CACNA2D3: variants seen among roughly 807,000 people sequenced by gnomAD.
CACNA2D3 encodes voltage-dependent calcium channel subunit alpha-2/delta-3.
A neutral mutation model predicts 160.6 loss-of-function variants in CACNA2D3; 60 were observed. The ratio of observed to expected loss-of-function variants is 0.37; its 90% CI spans 0.30 to 0.46. The LOEUF (loss-of-function observed/expected upper bound fraction) is 0.46. CACNA2D3 is among the 20% of genes least tolerant of loss of function. CACNA2D3 has a pLI of 1.00. For synonymous variants in CACNA2D3, 558 were observed against 492.9 expected (o/e 1.13, Z -1.75); for missense variants, 1,205 against 1,365.0 (o/e 0.88, Z 1.85).
At chr3:54,968,799 T>G (rs1169217288) in intron 28 of CACNA2D3, among the ~76,000 whole-genome samples, 1 of 152,238 alleles carries the variant, frequency 6.6e-6, no homozygotes, top group African/African-American at 2.4e-5. Context: ...GGGCCTTTTG[T>G]GAGATTTTCA....
intron 2 of CACNA2D3, among the ~76,000 whole-genome samples, chr3:54,148,702 T>C (rs1700084576): frequency 6.6e-6 from 1 of 151,992 alleles, no homozygotes; most frequent in Non-Finnish European, 1.5e-5. Context: ...TCGGGCCGGG[T>C]GCGGTGGCTC....
chr3:54,982,388 C>A (rs1430650520), intron 29 of CACNA2D3, among the ~76,000 whole-genome samples: 2 of 152,056 alleles, frequency 1.3e-5, no homozygotes, highest in Non-Finnish European at 2.9e-5. Flanking sequence ...TCTTAACTCC[C>A]CTAAGTTGGG....
intron 13 of CACNA2D3, among the ~76,000 whole-genome samples, chr3:54,792,212 G>A (rs1048281690): frequency 6.6e-6 from 1 of 152,152 alleles, no homozygotes; most frequent in African/African-American, 2.4e-5. Flanking sequence ...TGAGGTCTAT[G>A]TTTGGCCCTC....
intron 2 of CACNA2D3, among the ~76,000 whole-genome samples, chr3:54,285,116 C>T (rs1037151857): frequency 6.6e-6 from 1 of 152,136 alleles, no homozygotes; most frequent in African/African-American, 2.4e-5. Flanking sequence ...GTGCGCGAGC[C>T]GAAGCAGGAC....
chr3:54,382,731 C>T (rs1302512202), intron 3 of CACNA2D3, among the ~76,000 whole-genome samples: 1 of 152,258 alleles, frequency 6.6e-6, no homozygotes, highest in African/African-American at 2.4e-5. Context: ...TTGCAGTGAG[C>T]CGAGATCACG....
chr3:54,921,313 G>A (rs556956307), intron 27 of CACNA2D3, among the ~76,000 whole-genome samples: 73 of 152,228 alleles, frequency 4.8e-4, no homozygotes, highest in African/African-American at 1.8e-3. Context: ...TGGGAGATGA[G>A]GATAATTAAA....
intron 17 of CACNA2D3, among the ~76,000 whole-genome samples, chr3:54,862,347 C>G (rs1466645471): frequency 6.6e-6 from 1 of 151,220 alleles, no homozygotes; most frequent in Non-Finnish European, 1.5e-5. Context: ...CAAAATAAAG[C>G]TATTAAACCA....
At chr3:54,967,467 G>T (rs956849431) in intron 27 of CACNA2D3, among the ~76,000 whole-genome samples, 4 of 152,136 alleles carry the variant, frequency 2.6e-5, no homozygotes, top group African/African-American at 9.7e-5. Flanking sequence ...TTAAGCAAAA[G>T]AAAGAAATGT....
chr3:54,576,005 C>T (rs924778928), intron 8 of CACNA2D3, among the ~76,000 whole-genome samples: 2 of 152,096 alleles, frequency 1.3e-5, no homozygotes, highest in East Asian at 1.9e-4. Context: ...CAAGCCAGAT[C>T]GAACCAGTCT....
At chr3:54,290,731 A>C (rs963605855) in intron 2 of CACNA2D3, among the ~76,000 whole-genome samples, 1 of 152,006 alleles carries the variant, frequency 6.6e-6, no homozygotes, top group African/African-American at 2.4e-5. Context: ...ATGCAGCCAT[A>C]AAAAATGATG....
intron 13 of CACNA2D3, among the ~76,000 whole-genome samples, chr3:54,798,272 C>A (rs1702909901): frequency 1.3e-5 from 2 of 152,100 alleles, no homozygotes; most frequent in African/African-American, 4.8e-5. Context: ...TGGTGGCCCA[C>A]ACCTGTAATC....
intron 2 of CACNA2D3, among the ~76,000 whole-genome samples, chr3:54,137,150 G>A (rs368097435): frequency 3.0e-4 from 46 of 152,320 alleles, no homozygotes; most frequent in African/African-American, 1.1e-3. Flanking sequence ...TGAAGCATGG[G>A]CTGGCACAGG....
At position 54,896,808 on chromosome 3, in the gene CACNA2D3, G is replaced by A. The variant is rs1193937040; in HGVS notation, c.2306G>A (p.Trp769Ter). Residue 769 changes from tryptophan (W) to a stop codon, truncating the protein, a stop_gained, in exon 26 of 38, where the codon TGG (tryptophan) becomes TAG (stop). Coordinates refer to ENST00000474759, the MANE Select transcript of CACNA2D3 (RefSeq NM_018398.3). LOFTEE classifies it high-confidence loss of function. ...NIFNADHFPLWYRRAAEQIPG... is the reference protein window; with the variant it reads ...NIFNADHFPL Reference sequence around the variant, plus strand: ...TTTAACGCAGACCATTTCCCTCTCTGGTACCGAAGAGCCGCTGAGCAGATT... The same window carrying A: ...TTTAACGCAGACCATTTCCCTCTCTAGTACCGAAGAGCCGCTGAGCAGATT... 1 of 1,613,974 alleles carries A rather than the reference G, an allele frequency of 6.2e-7. No homozygotes were observed. Among genetic ancestry groups the A allele is most frequent in the Non-Finnish European group, 8.5e-7 (1 of 1,179,866 alleles).
In CACNA2D3 at chr3:54,143,972, A is replaced by G. The variant is rs943481530; in HGVS notation, c.204+20378A>G. Among the ~76,000 whole-genome samples, 4 of 152,336 alleles carry G rather than the reference A, an allele frequency of 2.6e-5. No homozygotes were observed. The South Asian group carries it at 8.3e-4, about 32-fold the overall frequency. ...GGCAGTACTGTAGGGACCACAAAAA[A>G]TGCTGCTTTTTCATATGATAGATAA... On this transcript the variant is annotated intron_variant, in intron 2 of 37. Transcript: ENST00000474759.
intron 18 of CACNA2D3, among the ~76,000 whole-genome samples, chr3:54,872,326 G>A (rs1166627589): frequency 1.3e-5 from 2 of 152,108 alleles, no homozygotes; most frequent in African/African-American, 4.8e-5. Flanking sequence ...GTGAATCCAG[G>A]TGGACTCTCC....
intron 27 of CACNA2D3, among the ~76,000 whole-genome samples, chr3:54,904,709 G>T (rs935212202): frequency 6.6e-6 from 1 of 152,064 alleles, no homozygotes; most frequent in African/African-American, 2.4e-5. Flanking sequence ...ATATGGGAGC[G>T]ATACTGGATA....
intron 13 of CACNA2D3, among the ~76,000 whole-genome samples, chr3:54,800,951 T>A (rs531611517): frequency 6.6e-6 from 1 of 152,030 alleles, no homozygotes; most frequent in African/African-American, 2.4e-5. Context: ...GAAAGGCTTA[T>A]CCAGATAATC....
chr3:54,565,959 A>G (rs1224072423), intron 6 of CACNA2D3, among the ~76,000 whole-genome samples: 1 of 152,170 alleles, frequency 6.6e-6, no homozygotes, highest in Non-Finnish European at 1.5e-5. Flanking sequence ...CTCTGTCACT[A>G]GCTGCAAGAA....
intron 2 of CACNA2D3, among the ~76,000 whole-genome samples, chr3:54,281,113 A>G (rs921170384): frequency 1.3e-5 from 2 of 152,150 alleles, no homozygotes; most frequent in African/African-American, 4.8e-5. Flanking sequence ...CTCCTAAACA[A>G]CCTGGAGTGG....
Sources: allele counts gnomAD v4.1 joint callset (sites outside exome capture counted in the v4.1 genomes callset), GRCh38; gene constraint gnomAD v4.1.1; transcripts MANE v1.5; gene names NCBI Gene and HGNC (gene_info 2026-07-23, HGNC 2026-07-21).